SORCS3: variants seen among roughly 807,000 people sequenced by gnomAD.
The protein encoded by SORCS3 is VPS10 domain-containing receptor SorCS3.
Under a neutral mutation model 146.3 loss-of-function variants are expected in SORCS3, and 57 were observed. The ratio of observed to expected loss-of-function variants is 0.39; its 90% CI spans 0.31 to 0.49. The LOEUF (loss-of-function observed/expected upper bound fraction) is 0.49, where lower values mean the gene tolerates loss of function less well. Ranked by LOEUF, SORCS3 falls within the 20% of genes least tolerant of loss-of-function variation. The probability of loss-of-function intolerance (pLI) is 0.92; values close to 1 mark genes in which losing one functional copy is unlikely to be tolerated. For synonymous variants in SORCS3, 653 were observed against 618.5 expected (o/e 1.06, Z -0.83); for missense variants, 1,341 against 1,575.5 (o/e 0.85, Z 2.52).
At chr10:105,153,090 A>G (rs2056179025) in intron 9 of SORCS3, among the ~76,000 whole-genome samples, 1 of 152,194 alleles carries the variant, frequency 6.6e-6, no homozygotes, top group African/African-American at 2.4e-5. Flanking sequence ...TACCCCAAAT[A>G]TTCCCTTATT....
intron 1 of SORCS3, among the ~76,000 whole-genome samples, chr10:104,777,149 G>A (rs1468308405): frequency 6.6e-6 from 1 of 152,114 alleles, no homozygotes; most frequent in African/African-American, 2.4e-5. Flanking sequence ...CTCATAGTTG[G>A]GAGAGTTGGC....
chr10:105,072,577 C>G (rs1428356845), intron 5 of SORCS3, among the ~76,000 whole-genome samples: 1 of 151,404 alleles, frequency 6.6e-6, no homozygotes, highest in African/African-American at 2.4e-5. Context: ...GCCCTGTTTT[C>G]CAGGGCCTAG....
chr10:105,087,783 T>C (rs2055673478), intron 5 of SORCS3, among the ~76,000 whole-genome samples: 1 of 152,184 alleles, frequency 6.6e-6, no homozygotes, highest in South Asian at 2.1e-4. Flanking sequence ...ATTGCATACA[T>C]GATTTGATTG....
intron 3 of SORCS3, among the ~76,000 whole-genome samples, chr10:104,964,426 A>G (rs1401255770): frequency 6.6e-6 from 1 of 152,134 alleles, no homozygotes; most frequent in Non-Finnish European, 1.5e-5. Context: ...TTCACTCTAA[A>G]GGCCTTATCA....
chr10:105,205,264 G>A (rs1236368183), intron 16 of SORCS3, among the ~76,000 whole-genome samples: 1 of 152,124 alleles, frequency 6.6e-6, no homozygotes, highest in African/African-American at 2.4e-5. Context: ...ATTCACAGAG[G>A]GAAGATATTT....
At chr10:105,018,977 C>A (rs1319553970) in intron 4 of SORCS3, among the ~76,000 whole-genome samples, 2 of 152,176 alleles carry the variant, frequency 1.3e-5, no homozygotes, top group African/African-American at 4.8e-5. Flanking sequence ...ACTTCCCCCT[C>A]TTCCTTGTCC....
At chr10:104,997,765 G>A (rs2055036109) in intron 4 of SORCS3, among the ~76,000 whole-genome samples, 1 of 152,178 alleles carries the variant, frequency 6.6e-6, no homozygotes, top group African/African-American at 2.4e-5. Context: ...TCATGCCAGA[G>A]CCTCCTTTTT....
intron 4 of SORCS3, among the ~76,000 whole-genome samples, chr10:105,015,129 A>G (rs1474416330): frequency 6.6e-6 from 1 of 152,242 alleles, no homozygotes; most frequent in African/African-American, 2.4e-5. Context: ...TTGTAATTTC[A>G]GTATGGGTGA....
intron 11 of SORCS3, 73 bp from the exon 12 acceptor site, chr10:105,164,230 C>T: frequency 1.8e-6 from 2 of 1,105,770 alleles, no homozygotes; most frequent in Non-Finnish European, 1.4e-6. Context: ...CTCTCTGCTC[C>T]CCCATCCCTC....
intron 18 of SORCS3, among the ~76,000 whole-genome samples, chr10:105,215,206 A>C (rs1217574533): frequency 6.6e-6 from 1 of 152,198 alleles, no homozygotes; most frequent in East Asian, 1.9e-4. Flanking sequence ...ATCAGACTAC[A>C]TACATTGATT....
intron 1 of SORCS3, among the ~76,000 whole-genome samples, chr10:104,823,768 G>A (rs59060216): frequency 6.6e-6 from 1 of 152,188 alleles, no homozygotes; most frequent in African/African-American, 2.4e-5. Flanking sequence ...CTGTGGATGT[G>A]TTAGGTCACA....
chr10:105,024,757 T>C (rs1160288462), intron 4 of SORCS3, among the ~76,000 whole-genome samples: 2 of 152,198 alleles, frequency 1.3e-5, no homozygotes, highest in Admixed American at 6.5e-5. Context: ...TTTTTATATA[T>C]AAATGTATGC....
intron 5 of SORCS3, among the ~76,000 whole-genome samples, chr10:105,054,384 A>G (rs986565731): frequency 4.6e-5 from 7 of 151,742 alleles, no homozygotes; most frequent in Non-Finnish European, 1.0e-4. Context: ...GCCTTATTCA[A>G]TCATATATAT....
At chr10:105,110,123 A>T (rs989688670) in intron 7 of SORCS3, among the ~76,000 whole-genome samples, 7 of 151,862 alleles carry the variant, frequency 4.6e-5, no homozygotes, top group African/African-American at 1.5e-4. Flanking sequence ...AAACAATCTT[A>T]CATTATTTTC....
chr10:104,871,488 T>C (rs2018518448), intron 2 of SORCS3, among the ~76,000 whole-genome samples: 1 of 152,220 alleles, frequency 6.6e-6, no homozygotes. Flanking sequence ...CTCTGGGCGT[T>C]TGGCAATGCA....
At position 105,088,545 on chromosome 10, in the gene SORCS3, A is replaced by C. The variant is rs552852056; in HGVS notation, c.1029-1230A>C. On this transcript the variant is annotated intron_variant, in intron 5 of 26. Transcript: ENST00000369701. Reference sequence around the variant, plus strand: ...GTAATAATTTTATTTTAACCAATAAAAATCATTTTAGTTTTTCTAAAACAT... The same window carrying C: ...GTAATAATTTTATTTTAACCAATAACAATCATTTTAGTTTTTCTAAAACAT... Among the ~76,000 whole-genome samples, 3 of 143,430 alleles carry C rather than the reference A, an allele frequency of 2.1e-5. No individual in the cohort carries two copies. In the South Asian group the frequency reaches 6.5e-4, roughly 31 times the overall value. 94.1% of individuals were successfully genotyped at this position (143,430 alleles called of 152,430 possible). A position where few individuals can be genotyped will look rare whatever the true frequency, so the allele number is the denominator to read the frequency against.
intron 4 of SORCS3, among the ~76,000 whole-genome samples, chr10:104,997,304 A>G (rs1315361107): frequency 6.6e-6 from 1 of 152,210 alleles, no homozygotes; most frequent in Non-Finnish European, 1.5e-5. Context: ...TTTCTTTCGT[A>G]TGAACTAACC....
chr10:104,757,066 G>GTTTTTTTTTTTTTT (rs35550035), intron 1 of SORCS3, among the ~76,000 whole-genome samples: 1 of 83,984 alleles, frequency 1.2e-5, no homozygotes, highest in Non-Finnish European at 2.2e-5. Context: ...CAAGTTAAGG[G>GTTTTTTTTTTTTTT]TTTTTTTTTT....
chr10:105,070,954 G>A (rs2055552750), intron 5 of SORCS3, among the ~76,000 whole-genome samples: 1 of 152,060 alleles, frequency 6.6e-6, no homozygotes, highest in Admixed American at 6.6e-5. Context: ...TATGCAGACA[G>A]TGATGGGAGA....
Sources: gnomAD v4.1 joint callset for allele counts (sites outside exome capture counted in the v4.1 genomes callset) on GRCh38, gnomAD v4.1.1 for gene constraint, MANE v1.5 for transcripts, NCBI Gene and HGNC (gene_info 2026-07-23, HGNC 2026-07-21) for gene names.